LOC728743: variants seen among roughly 807,000 people sequenced by gnomAD.
At chr7:150,405,844 C>T in the LOC728743 span, 4 of 152,200 alleles carry the variant, frequency 2.6e-5, no homozygotes, top group Non-Finnish European at 5.9e-5. Context: ...CGTTGAGCAG[C>T]GCAGACTGTA....
the LOC728743 span, among the ~76,000 whole-genome samples, chr7:150,401,993 T>C: frequency 6.6e-6 from 1 of 152,192 alleles, no homozygotes; most frequent in African/African-American, 2.4e-5. Context: ...TGGGGTTCAA[T>C]TCTGGCTTTG....
At chr7:150,411,974 G>C in the LOC728743 span, 1 of 152,824 alleles carries the variant, frequency 6.5e-6, no homozygotes, top group Non-Finnish European at 1.5e-5. Context: ...TTCCTGCTCC[G>C]AACAGGTCCG....
At chr7:150,407,643 C>T in the LOC728743 span, 2 of 398,902 alleles carry the variant, frequency 5.0e-6, no homozygotes, top group East Asian at 7.1e-5. Context: ...GGGGGCGGGT[C>T]CCCTGCGGGG....
At chr7:150,409,725 G>A in the LOC728743 span, among the ~76,000 whole-genome samples, 1 of 152,052 alleles carries the variant, frequency 6.6e-6, no homozygotes, top group Non-Finnish European at 1.5e-5. Flanking sequence ...CCCTGGGAGT[G>A]GTTTGGGAGG....
chr7:150,401,987 G>A, the LOC728743 span, among the ~76,000 whole-genome samples: 1 of 152,124 alleles, frequency 6.6e-6, no homozygotes, highest in Non-Finnish European at 1.5e-5. Flanking sequence ...TAGTTCTGGG[G>A]TTCAATTCTG....
the LOC728743 span, chr7:150,408,553 G>A: frequency 4.7e-5 from 10 of 213,546 alleles, no homozygotes; most frequent in Non-Finnish European, 7.4e-5. Flanking sequence ...GGAGTGCGTG[G>A]TGTTGATTCT....
chr7:150,404,092 C>A, the LOC728743 span, among the ~76,000 whole-genome samples: 2 of 152,362 alleles, frequency 1.3e-5, no homozygotes, highest in Non-Finnish European at 1.5e-5. Flanking sequence ...CCAACCACCA[C>A]ATCCATTGTC....
the LOC728743 span, chr7:150,404,928 A>T: frequency 6.6e-6 from 1 of 152,262 alleles, no homozygotes; most frequent in East Asian, 1.9e-4. Flanking sequence ...CGCTCAGCCC[A>T]TGTCACCCGG....
At chr7:150,405,088 G>C in the LOC728743 span, 5 of 152,298 alleles carry the variant, frequency 3.3e-5, no homozygotes, top group African/African-American at 1.2e-4. Flanking sequence ...TGGGTCGGCG[G>C]ATCGGGGGGC....
chr7:150,403,989 G>C, the LOC728743 span, among the ~76,000 whole-genome samples: 1 of 152,338 alleles, frequency 6.6e-6, no homozygotes, highest in South Asian at 2.1e-4. The surrounding 1 kb of genome is among the most constrained non-coding windows in gnomAD (Gnocchi z 5.1). Context: ...GGCTCCAGAA[G>C]GCACAGTGGG....
chr7:150,401,485 ATTTAG>A, the LOC728743 span, among the ~76,000 whole-genome samples: 2 of 152,250 alleles, frequency 1.3e-5, no homozygotes, highest in Non-Finnish European at 2.9e-5. Context: ...AGTGGTTTGA[ATTTAG>A]TAAAGAAATA....
chr7:150,407,543 C>G, the LOC728743 span: 1 of 398,138 alleles, frequency 2.5e-6, no homozygotes, highest in Non-Finnish European at 4.4e-6. Flanking sequence ...CGACCCCTCT[C>G]TCTCCACCCC....
At chr7:150,407,131 T>G in the LOC728743 span, among the ~76,000 whole-genome samples, 4 of 152,060 alleles carry the variant, frequency 2.6e-5, no homozygotes, top group Non-Finnish European at 5.9e-5. Context: ...AAACTGAAAA[T>G]CCTAACTGAA....
At chr7:150,406,822 C>T in the LOC728743 span, among the ~76,000 whole-genome samples, 8 of 152,166 alleles carry the variant, frequency 5.3e-5, no homozygotes, top group African/African-American at 1.9e-4. Context: ...CACGCTGAGA[C>T]CAGTCCCCCT....
At chr7:150,402,872 G>T in the LOC728743 span, among the ~76,000 whole-genome samples, 10 of 152,290 alleles carry the variant, frequency 6.6e-5, no homozygotes, top group Admixed American at 3.9e-4. Flanking sequence ...CTACAGTGCA[G>T]AGTCTGGGAC....
chr7:150,406,461 G>A, the LOC728743 span, among the ~76,000 whole-genome samples: 1 of 152,114 alleles, frequency 6.6e-6, no homozygotes, highest in Non-Finnish European at 1.5e-5. Flanking sequence ...TGTGTTTTGA[G>A]GAGTGTTTAG....
At chr7:150,408,336 G>T in the LOC728743 span, 8 of 361,756 alleles carry the variant, frequency 2.2e-5, no homozygotes, top group African/African-American at 1.1e-4. Context: ...CGGGAGAGGG[G>T]CAGCGCTGGC....
At chr7:150,408,000 G>A in the LOC728743 span, 2 of 398,462 alleles carry the variant, frequency 5.0e-6, no homozygotes, top group African/African-American at 4.1e-5. Flanking sequence ...GCGCAGTGCG[G>A]CCGCTGCTTC....
At chr7:150,405,261 C>G in the LOC728743 span, 1 of 152,208 alleles carries the variant, frequency 6.6e-6, no homozygotes, top group Non-Finnish European at 1.5e-5. Context: ...GCGGCTGCGA[C>G]GACGCCGGCG....
Sources: allele counts gnomAD v4.1 joint callset (sites outside exome capture counted in the v4.1 genomes callset), GRCh38; gene constraint gnomAD v4.1.1; non-coding constraint Gnocchi (gnomAD v3.1); transcripts MANE v1.5.